SYT2: variants seen among roughly 807,000 people sequenced by gnomAD.
The protein encoded by SYT2 is synaptotagmin-2.
A neutral mutation model predicts 39.9 loss-of-function variants in SYT2; 15 were observed. That is an observed-to-expected ratio of 0.38 (90% confidence interval 0.25 to 0.58). The LOEUF is 0.58. SYT2 is among the 20% of genes least tolerant of loss of function. SYT2 has a pLI of 0.70. For missense variants in SYT2, 389 were observed against 530.3 expected, an observed-to-expected ratio of 0.73 and a Z score of 2.62; for synonymous variants, 181 against 204.5, an observed-to-expected ratio of 0.89 and a Z score of 0.98.
At chr1:202,666,839 G>GGGTGTGAT (rs1692489337) in intron 1 of SYT2, among the ~76,000 whole-genome samples, 1 of 152,136 alleles carries the variant, frequency 6.6e-6, no homozygotes, top group Non-Finnish European at 1.5e-5. Context: ...AAAATTAGCC[G>GGGTGTGAT]GGTGTGATGG....
intron 1 of SYT2, among the ~76,000 whole-genome samples, chr1:202,624,530 TAG>T (rs1328068898): frequency 1.5e-5 from 2 of 129,646 alleles, no homozygotes; most frequent in East Asian, 2.5e-4. Flanking sequence ...TGGTGTGTAG[TAG>T]AGTGTGGATG....
rs557257283 is a variant in SYT2, at chr1:202,597,795, G to A, written c.1054-832C>T. Among the ~76,000 whole-genome samples, 11 of 152,284 alleles carry A rather than the reference G, an allele frequency of 7.2e-5. No individual in the cohort carries two copies. The East Asian group carries it at 1.4e-3, about 19-fold the overall frequency. ...TGGAGGGTCTGGGAGGATGGATCCCGAATACCTGTACCAAGGCAGGGACAG... is the reference window on the plus strand; with the variant it reads ...TGGAGGGTCTGGGAGGATGGATCCCAAATACCTGTACCAAGGCAGGGACAG... On this transcript the variant is annotated intron_variant, in intron 8 of 8. Coordinates refer to ENST00000367268, the MANE Select transcript of SYT2 (RefSeq NM_177402.5).
At chr1:202,652,051 C>T (rs546505890) in intron 1 of SYT2, among the ~76,000 whole-genome samples, 5 of 152,288 alleles carry the variant, frequency 3.3e-5, no homozygotes, top group African/African-American at 9.6e-5. Flanking sequence ...AGTGAGACTC[C>T]GTCTAAGTAA....
chr1:202,596,793 C>T lies in SYT2; in HGVS notation c.1224G>A (p.Glu408=), dbSNP rs576826872. The T allele has an allele frequency of 1.2e-6, 2 of 1,614,184 alleles. No homozygotes were observed. The highest frequency in any genetic ancestry group is 1.7e-6 in the Non-Finnish European group (2 of 1,180,000). The change falls in exon 9 of 9, where the codon GAG becomes GAA. Residue 408 remains glutamate (E), a synonymous_variant. Coordinates refer to ENST00000367268, the MANE Select transcript of SYT2 (RefSeq NM_177402.5). ...PIAQWHSLKP[E]EEVDALLGKN... is the part of the protein sequence containing the mutation. ...TGCCCAGGAGTGCATCCACCTCCTC[C>T]TCAGGCTTGAGCGAGTGCCACTGGG...
chr1:202,689,021 G>T (rs952376121), intron 1 of SYT2, among the ~76,000 whole-genome samples: 1 of 152,148 alleles, frequency 6.6e-6, no homozygotes. Context: ...GCCTCAGCAA[G>T]GGAGGGAACT....
At chr1:202,685,818 T>G (rs1653648911) in intron 1 of SYT2, among the ~76,000 whole-genome samples, 1 of 152,118 alleles carries the variant, frequency 6.6e-6, no homozygotes, top group Non-Finnish European at 1.5e-5. Context: ...CTCCATTAAC[T>G]AGGGAAACAG....
At chr1:202,663,832 T>TG (rs1692433288) in intron 1 of SYT2, among the ~76,000 whole-genome samples, 1 of 152,194 alleles carries the variant, frequency 6.6e-6, no homozygotes, top group Non-Finnish European at 1.5e-5. Context: ...CTGAGGGATC[T>TG]GGCTGCTCTG....
chr1:202,674,879 C>T (rs1653318391), intron 1 of SYT2, among the ~76,000 whole-genome samples: 1 of 113,650 alleles, frequency 8.8e-6, no homozygotes, highest in South Asian at 3.3e-4. Flanking sequence ...CCAGCATGCT[C>T]TGCCCTGAGC....
chr1:202,607,104 T>G (rs1165317899), intron 1 of SYT2, among the ~76,000 whole-genome samples: 1 of 152,126 alleles, frequency 6.6e-6, no homozygotes, highest in East Asian at 1.9e-4. Flanking sequence ...TCTTACGAGC[T>G]TCCAAACTCT....
chr1:202,629,889 C>T (rs573197299), intron 1 of SYT2, among the ~76,000 whole-genome samples: 39 of 88,336 alleles, frequency 4.4e-4, no homozygotes, highest in African/African-American at 1.2e-3. Context: ...GGTGGTACGG[C>T]AGGTGTGTTG....
At chr1:202,670,947 CA>C (rs1416087318) in intron 1 of SYT2, among the ~76,000 whole-genome samples, 3 of 152,330 alleles carry the variant, frequency 2.0e-5, no homozygotes, top group African/African-American at 7.2e-5. Context: ...ATCCCAAGGC[CA>C]CCCAGTGATC....
At chr1:202,640,733 TCAGA>T (rs1691882661) in intron 1 of SYT2, among the ~76,000 whole-genome samples, 1 of 92,112 alleles carries the variant, frequency 1.1e-5, no homozygotes. Flanking sequence ...GTCCTAATGG[TCAGA>T]GAGAGAGAGA....
At chr1:202,633,239 GCCC>G (rs1338271556) in intron 1 of SYT2, among the ~76,000 whole-genome samples, 2 of 152,056 alleles carry the variant, frequency 1.3e-5, no homozygotes, top group African/African-American at 4.8e-5. Context: ...CCCACTGGGT[GCCC>G]AGCTCTTTCC....
chr1:202,650,478 C>T (rs921052426), intron 1 of SYT2, among the ~76,000 whole-genome samples: 4 of 151,624 alleles, frequency 2.6e-5, no homozygotes, highest in African/African-American at 9.7e-5. Flanking sequence ...CTCTGTCACC[C>T]AGGCTGGAGT....
chr1:202,627,678 G>A, intron 1 of SYT2: 1 of 972,586 alleles, frequency 1.0e-6, no homozygotes, highest in Middle Eastern at 5.3e-4. Flanking sequence ...ACCAGGAGTT[G>A]TCTGCCTTAC....
Position 202,671,466 on chromosome 1 carries a change from A to G in SYT2, c.-18+38792T>C, listed in dbSNP as rs113767339. Among the ~76,000 whole-genome samples the G allele has an allele frequency of 4.6e-5, 7 of 152,376 alleles. 1 individual carries two copies. The highest frequency in any genetic ancestry group is 1.4e-4 in the African/African-American group (6 of 41,592). ...GTTTGATGAAATACAAAAAGCACCT[A>G]AACAGTGTCAAAGACAAGCTAGTGA... On this transcript the variant is annotated intron_variant, in intron 1 of 8. Transcript: ENST00000367268.
At chr1:202,676,725 A>AAAAAAGTAAGT in intron 1 of SYT2, among the ~76,000 whole-genome samples, 1 of 152,334 alleles carries the variant, frequency 6.6e-6, no homozygotes, top group South Asian at 2.1e-4. Context: ...TGACAGGTAT[A>AAAAAAGTAAGT]AAAAAGTAAG....
In SYT2 at chr1:202,635,666, G is replaced by A. The variant is rs868181304; in HGVS notation, c.-17-29877C>T. The stretch of plus-strand genomic sequence containing the variant: ...CTAAAGTGGCCCTCCCTCTCCTTAC[G>A]TACAACTCACCCCAGATGACCAGGT... On this transcript the variant is annotated intron_variant, in intron 1 of 8. Transcript: ENST00000367268. Among the ~76,000 whole-genome samples the A allele has an allele frequency of 7.2e-5, 11 of 152,068 alleles. 1 individual carries two copies. The highest frequency in any genetic ancestry group is 2.6e-4 in the Admixed American group (4 of 15,268).
chr1:202,640,734 C>CAGAGAGAGAG (rs56979202), intron 1 of SYT2, among the ~76,000 whole-genome samples: 26 of 90,744 alleles, frequency 2.9e-4, no homozygotes, highest in South Asian at 8.9e-4. Context: ...TCCTAATGGT[C>CAGAGAGAGAG]AGAGAGAGAG....
Sources: gnomAD v4.1 joint callset for allele counts (sites outside exome capture counted in the v4.1 genomes callset) on GRCh38, gnomAD v4.1.1 for gene constraint, MANE v1.5 for transcripts, NCBI Gene and HGNC (gene_info 2026-07-23, HGNC 2026-07-21) for gene names.